MYO1H: variants seen among roughly 807,000 people sequenced by gnomAD.
MYO1H encodes the protein myosin IH.
MYO1H carries 118 observed loss-of-function variants against 149.3 expected under a neutral mutation model. That is an observed-to-expected ratio of 0.79 (90% confidence interval 0.68 to 0.92). The LOEUF is 0.92. Ranked by LOEUF, MYO1H falls within the 40% of genes least tolerant of loss-of-function variation. MYO1H has a pLI of 0.00. For synonymous variants in MYO1H, 447 were observed against 465.2 expected (o/e 0.96, Z 0.50); for missense variants, 1,212 against 1,280.7 (o/e 0.95, Z 0.82).
At chr12:109,419,819 C>T (rs1183517129) in intron 15 of MYO1H, among the ~76,000 whole-genome samples, 1 of 151,662 alleles carries the variant, frequency 6.6e-6, no homozygotes, top group East Asian at 1.9e-4. Context: ...CCTCAGCCTT[C>T]CAAAGTGCTG....
chr12:109,442,373 G>A (rs1158673954), intron 27 of MYO1H, 101 bp downstream of exon 27: 4 of 966,596 alleles, frequency 4.1e-6, no homozygotes, highest in South Asian at 2.7e-5. Flanking sequence ...AAATGCAGGG[G>A]TGCAGCTGGG....
chr12:109,415,683 G>A lies in MYO1H; in HGVS notation c.1597+63G>A, dbSNP rs190363135. 2,379 of 1,231,542 alleles carry A rather than the reference G, an allele frequency of 1.9e-3. 6 individuals carry two copies. Among genetic ancestry groups the A allele is most frequent in the Non-Finnish European group, 2.3e-3 (2,093 of 899,252 alleles). The allele number at this position is 1,231,542 out of a possible 1,614,324, so 76.3% of individuals were successfully genotyped here. A position where few individuals can be genotyped will look rare whatever the true frequency, so the allele number is the denominator to read the frequency against. On this transcript the variant is annotated intron_variant, in intron 15 of 31. Coordinates refer to ENST00000310903, the Ensembl canonical transcript of MYO1H. Reference sequence around the variant, plus strand: ...TGCCCAGCCTGGTGTCTTACAATAAGCTCCGAGTCCATGCAGGAAATGGTG... The same window carrying A: ...TGCCCAGCCTGGTGTCTTACAATAAACTCCGAGTCCATGCAGGAAATGGTG...
rs371761317 is a variant in MYO1H at position 109,387,819 on chromosome 12, G to A, written c.13-864G>A. ...ACCTACTCCTGTTCCCTCTCCCAAC[G>A]CACACCTGCCCTCTGGCCGCAGCTT... On this transcript the variant is annotated intron_variant, in intron 1 of 31. Coordinates refer to ENST00000310903, the Ensembl canonical transcript of MYO1H. Among the ~76,000 whole-genome samples, 7 of 152,256 alleles carry A rather than the reference G, an allele frequency of 4.6e-5. No individual in the cohort carries two copies. The South Asian group carries it at 6.2e-4, about 14-fold the overall frequency.
the MYO1H span, among the ~76,000 whole-genome samples, chr12:109,340,389 G>A: frequency 4.6e-5 from 7 of 152,066 alleles, no homozygotes; most frequent in East Asian, 3.9e-4. Context: ...GGCTGGTCTC[G>A]AACTCCTGAC....
the MYO1H span, among the ~76,000 whole-genome samples, chr12:109,323,072 A>G: frequency 2.0e-5 from 3 of 152,160 alleles, no homozygotes; most frequent in Non-Finnish European, 4.4e-5. Flanking sequence ...ACGCCACTGC[A>G]CTCCAACCTG....
rs546665907 is a variant in MYO1H, at chr12:109,396,896, C to T, written c.489+314C>T. Among the ~76,000 whole-genome samples the T allele has an allele frequency of 3.0e-5, 4 of 132,106 alleles. No homozygotes were observed. In the East Asian group the frequency reaches 1.0e-3, roughly 33 times the overall value. The allele number at this position is 132,106 out of a possible 152,430, so 86.7% of individuals were successfully genotyped here. On this transcript the variant is annotated intron_variant, in intron 4 of 31. Coordinates refer to ENST00000310903, the Ensembl canonical transcript of MYO1H. ...GGCCTGGAGTACAGTGGCACAATCT[C>T]GGCTCACAGAAACCTCCGCCTCCTG... is the stretch of plus-strand genomic sequence containing the variant.
Position 109,397,717 on chromosome 12 carries a change from A to G in MYO1H, c.490-15A>G, listed in dbSNP as rs1189533036. The stretch of plus-strand genomic sequence containing the variant: ...GTGAGCTTAAATGACAGTGAATGAC[A>G]CTTTGTATTCCAAGGCTTTTGGAAA... On this transcript the variant is annotated splice_polypyrimidine_tract_variant and intron_variant, in intron 4 of 31. Coordinates refer to ENST00000310903, the Ensembl canonical transcript of MYO1H. The G allele has an allele frequency of 1.9e-6, 3 of 1,604,656 alleles. No homozygotes were observed. Among genetic ancestry groups the G allele is most frequent in the Non-Finnish European group, 1.7e-6 (2 of 1,175,642 alleles).
intron 19 of MYO1H, among the ~76,000 whole-genome samples, chr12:109,431,780 T>G (rs1871630896): frequency 6.6e-6 from 1 of 152,106 alleles, no homozygotes. Flanking sequence ...GGAGCCAAAA[T>G]TACCCCTGGG....
rs984776981 is a variant in MYO1H at position 109,447,392 on chromosome 12, C to T, written c.*210C>T. On this transcript the variant is annotated 3_prime_UTR_variant, in exon 32 of 32. Coordinates refer to ENST00000310903, the Ensembl canonical transcript of MYO1H. ...CATGGCACCTTATTTAAAATGTCAC[C>T]TTCTGGAAGCAGACCCCAGGTCACC... 2.6e-5 allele frequency: 16 copies of T among 611,682 alleles called. No homozygotes were observed. The African/African-American group carries it at 2.8e-4, about 11-fold the overall frequency. 37.9% of individuals were successfully genotyped at this position (611,682 alleles called of 1,614,324 possible). A position where few individuals can be genotyped will look rare whatever the true frequency, so the allele number is the denominator to read the frequency against.
intron 1 of MYO1H, among the ~76,000 whole-genome samples, chr12:109,372,461 A>G (rs1869003130): frequency 6.6e-6 from 1 of 152,092 alleles, no homozygotes; most frequent in Non-Finnish European, 1.5e-5. Flanking sequence ...GCATAATGCC[A>G]TTTATTGAAT....
intron 16 of MYO1H, among the ~76,000 whole-genome samples, chr12:109,423,318 C>G (rs1871248208): frequency 6.6e-6 from 1 of 152,050 alleles, no homozygotes; most frequent in Admixed American, 6.6e-5. Flanking sequence ...GCCACCACAC[C>G]AGGCTAATTT....
At chr12:109,435,300 T>C (rs530209322) in intron 21 of MYO1H, among the ~76,000 whole-genome samples, 187 bp downstream of exon 21, 1 of 152,032 alleles carries the variant, frequency 6.6e-6, no homozygotes, top group African/African-American at 2.4e-5. Flanking sequence ...TGGAGGTCAG[T>C]CACAGATGCA....
At chr12:109,420,872 T>C (rs1871144700) in intron 15 of MYO1H, 109 bp from the exon 16 acceptor site, 2 of 711,986 alleles carry the variant, frequency 2.8e-6, no homozygotes, top group South Asian at 3.2e-5. Flanking sequence ...AACTATGAGC[T>C]AATCCTAAGA....
chr12:109,411,496 C>T (rs968475969), intron 13 of MYO1H, among the ~76,000 whole-genome samples: 2 of 152,174 alleles, frequency 1.3e-5, no homozygotes, highest in African/African-American at 2.4e-5. Context: ...ATAAAAACTT[C>T]GACTTAACTG....
At chr12:109,317,619 A>G in the MYO1H span, among the ~76,000 whole-genome samples, 1 of 152,190 alleles carries the variant, frequency 6.6e-6, no homozygotes, top group Admixed American at 6.5e-5. Flanking sequence ...GGCTCACAGC[A>G]ACATAAAAGT....
intron 9 of MYO1H, 80 bp from the exon 10 acceptor site, chr12:109,407,714 T>G: frequency 6.9e-7 from 1 of 1,455,036 alleles, no homozygotes; most frequent in South Asian, 1.4e-5. Flanking sequence ...TTATTTTTTT[T>G]TTAAGAAAAA....
chr12:109,392,934 C>T (rs907191732), intron 2 of MYO1H, among the ~76,000 whole-genome samples: 18 of 151,788 alleles, frequency 1.2e-4, no homozygotes, highest in East Asian at 5.9e-4. Flanking sequence ...CTCCGCCTCC[C>T]GAGTAACTGG....
chr12:109,382,047 C>T, intron 1 of MYO1H, among the ~76,000 whole-genome samples: 1 of 152,154 alleles, frequency 6.6e-6, no homozygotes, highest in Non-Finnish European at 1.5e-5. Context: ...ATAGAACAGT[C>T]TCATCTAATA....
chr12:109,439,496 T>TCTGGCCTGTGGCCTACA (rs1872018769), intron 23 of MYO1H, 135 bp from the exon 24 acceptor site: 3 of 269,036 alleles, frequency 1.1e-5, no homozygotes, highest in Non-Finnish European at 1.9e-5. Flanking sequence ...GTGGGGCAGA[T>TCTGGCCTGTGGCCTACA]TTGGCCTCTG....
Sources: allele counts gnomAD v4.1 joint callset (sites outside exome capture counted in the v4.1 genomes callset), GRCh38; gene constraint gnomAD v4.1.1; transcripts MANE v1.5; gene names NCBI Gene and HGNC (gene_info 2026-07-23, HGNC 2026-07-21).